Variants in ITGA8 observed in about 807,000 individuals in gnomAD.
ITGA8 encodes the protein integrin alpha-8.
Under a neutral mutation model 142.3 loss-of-function variants are expected in ITGA8, and 91 were observed. The observed-to-expected ratio is 0.64, with a 90% CI of 0.54 to 0.76. ITGA8 has a LOEUF of 0.76. ITGA8 is among the 30% of genes least tolerant of loss of function. ITGA8 has a pLI of 0.00. For missense variants in ITGA8, 1,406 were observed against 1,327.7 expected (o/e 1.06, Z -0.92); for synonymous variants, 505 against 485.2 (o/e 1.04, Z -0.54).
chr10:15,606,138 G>C (rs1396615249), intron 18 of ITGA8, 147 bp downstream of exon 18: 6 of 687,832 alleles, frequency 8.7e-6, no homozygotes, highest in African/African-American at 3.5e-5. Context: ...CAGTGTTTCA[G>C]GAAACATGGT....
rs750578314 is a variant in ITGA8, at chr10:15,597,359, G to C, written c.2119-60C>G. The C allele has an allele frequency of 8.6e-6, 12 of 1,390,390 alleles. No individual in the cohort carries two copies. The East Asian group carries it at 2.5e-4, about 29-fold the overall frequency. 86.1% of individuals were successfully genotyped at this position (1,390,390 alleles called of 1,614,324 possible). Reference sequence around the variant, plus strand: ...GGATAAATGACATCCTGACACAAAAGCCATGCTGGGGGCCTGGGAGCTCCC... The same window carrying C: ...GGATAAATGACATCCTGACACAAAACCCATGCTGGGGGCCTGGGAGCTCCC... On this transcript the variant is annotated intron_variant, in intron 20 of 29. Transcript: ENST00000378076.
chr10:15,603,249 C>A (rs1037284736), intron 20 of ITGA8, among the ~76,000 whole-genome samples: 6 of 152,166 alleles, frequency 3.9e-5, no homozygotes, highest in Non-Finnish European at 7.4e-5. Flanking sequence ...ACCAACATCA[C>A]AACAACAGTT....
intron 6 of ITGA8, among the ~76,000 whole-genome samples, chr10:15,673,397 A>T (rs746040901): frequency 3.4e-4 from 51 of 152,108 alleles, no homozygotes; most frequent in Non-Finnish European, 5.0e-4. Flanking sequence ...TGTAATTTTT[A>T]TTCTGGAATA....
intron 2 of ITGA8, among the ~76,000 whole-genome samples, chr10:15,691,218 G>A (rs1267425279): frequency 3.3e-5 from 5 of 152,118 alleles, no homozygotes; most frequent in African/African-American, 1.2e-4. Context: ...TATGAAGAAA[G>A]GGACCCCTAG....
chr10:15,698,117 T>C (rs1045795586), intron 2 of ITGA8, among the ~76,000 whole-genome samples: 3 of 152,166 alleles, frequency 2.0e-5, no homozygotes, highest in African/African-American at 7.2e-5. Flanking sequence ...TGCCTTTGCA[T>C]CCTCATAGCT....
At chr10:15,597,161 A>C (rs376247402) in intron 21 of ITGA8, 46 bp downstream of exon 21, 33 of 1,438,956 alleles carry the variant, frequency 2.3e-5, no homozygotes, top group Non-Finnish European at 2.9e-5. Flanking sequence ...TTCCCTGTGA[A>C]GTCCAGTTAG....
At chr10:15,635,924 C>G (rs567858041) in intron 13 of ITGA8, among the ~76,000 whole-genome samples, 1 of 150,690 alleles carries the variant, frequency 6.6e-6, no homozygotes, top group Admixed American at 6.6e-5. Context: ...ATACTACACA[C>G]ACACACACAC....
rs371931316 is a variant in ITGA8 at position 15,558,208 on chromosome 10, A to C, written c.2638-6T>G. The C allele has an allele frequency of 1.9e-6, 3 of 1,613,968 alleles. No homozygotes were observed. The highest frequency in any genetic ancestry group is 2.7e-5 in the African/African-American group (2 of 74,936). ...TCCTCTGGGGAGGCAGCAGGCTGCA[A>C]AAAGAAAGTGGGAGATACCACATTA... On this transcript the variant is annotated splice_polypyrimidine_tract_variant and splice_region_variant and intron_variant, in intron 25 of 29. Transcript: ENST00000378076.
chr10:15,661,431 A>C (rs11253598), intron 8 of ITGA8, among the ~76,000 whole-genome samples: 14,913 of 152,254 alleles, frequency 0.098, 932 homozygotes, highest in East Asian at 0.29. Context: ...TGGAAGTTTG[A>C]AGCCAGGGCT....
chr10:15,628,814 A>G (rs1197473187), intron 13 of ITGA8, among the ~76,000 whole-genome samples: 1 of 151,976 alleles, frequency 6.6e-6, no homozygotes, highest in Non-Finnish European at 1.5e-5. Flanking sequence ...TGTTGTGTGT[A>G]TCAAAATATC....
At chr10:15,622,312 A>G (rs1283879633) in intron 13 of ITGA8, among the ~76,000 whole-genome samples, 1 of 152,098 alleles carries the variant, frequency 6.6e-6, no homozygotes, top group East Asian at 1.9e-4. Flanking sequence ...TCCTTGACAG[A>G]TACACTGATG....
chr10:15,607,201 C>T (rs1015417413), intron 17 of ITGA8, among the ~76,000 whole-genome samples: 6 of 152,048 alleles, frequency 3.9e-5, no homozygotes, highest in Admixed American at 1.3e-4. Context: ...TTTAAAATTT[C>T]GGTAGGTTTT....
In ITGA8 at chr10:15,548,563, A is replaced by G. The variant is rs201080730; in HGVS notation, c.2772T>C (p.Cys924=). 6.2e-7 allele frequency: 1 copy of G among 1,608,138 alleles called. No homozygotes were observed. The highest frequency in any genetic ancestry group is 1.7e-5 in the Admixed American group (1 of 59,452). Residue 924 remains cysteine, a synonymous_variant, in exon 27 of 30, where the codon TGT becomes TGC. Coordinates refer to ENST00000378076, the MANE Select transcript of ITGA8 (RefSeq NM_003638.3). The stretch of plus-strand genomic sequence containing the variant: ...AGATTTGTAAACACTCGATATTTGT[A>G]CAATTCTGCAAACAGCAGTGGGAAC... ...HRQSPAKILN[C]TNIECLQISC...
intron 2 of ITGA8, among the ~76,000 whole-genome samples, chr10:15,699,054 G>C (rs1484210504): frequency 1.3e-5 from 2 of 152,158 alleles, no homozygotes; most frequent in East Asian, 3.9e-4. Context: ...GGGAGTCCAG[G>C]AGGCAGATCA....
Position 15,531,124 on chromosome 10 carries a change from A to G in ITGA8, c.2908T>C (p.Ser970Pro), listed in dbSNP as rs754117596. ...TTCTTAACTTCAAAGGACACCAGGG[A>G]TGCAAGAGCATAGGGATCATTTTTT... The part of the protein sequence containing the change: ...QRKNDPYALA[S>P]LVSFEVKKMP... Residue 970 changes from serine to proline, a missense_variant, in exon 28 of 30, where the codon TCC becomes CCC. Transcript: ENST00000378076. The G allele has an allele frequency of 6.4e-6, 10 of 1,559,700 alleles. No individual in the cohort carries two copies. In the East Asian group the frequency reaches 7.1e-5, roughly 11 times the overall value.
intron 3 of ITGA8, 81 bp from the exon 4 acceptor site, chr10:15,684,208 C>G: frequency 2.1e-6 from 3 of 1,427,636 alleles, no homozygotes; most frequent in Non-Finnish European, 2.9e-6. Context: ...ATTGGTATAA[C>G]AAACTGTTAA....
intron 13 of ITGA8, among the ~76,000 whole-genome samples, chr10:15,620,789 C>T (rs1166934722): frequency 6.6e-6 from 1 of 152,170 alleles, no homozygotes; most frequent in African/African-American, 2.4e-5. Context: ...TCTATACACA[C>T]ATAAGTATAG....
chr10:15,613,536 T>G, intron 15 of ITGA8, 124 bp downstream of exon 15: 1 of 738,886 alleles, frequency 1.4e-6, no homozygotes, highest in Non-Finnish European at 2.4e-6. Flanking sequence ...TCTTGAAGCT[T>G]TTTTCGAGAA....
chr10:15,538,234 C>T (rs1421129356), intron 27 of ITGA8, among the ~76,000 whole-genome samples: 1 of 152,040 alleles, frequency 6.6e-6, no homozygotes, highest in Non-Finnish European at 1.5e-5. Context: ...TATAGTTGGC[C>T]AGGTGCAGTG....
Sources: allele counts gnomAD v4.1 joint callset (sites outside exome capture counted in the v4.1 genomes callset), GRCh38; gene constraint gnomAD v4.1.1; transcripts MANE v1.5; gene names NCBI Gene and HGNC (gene_info 2026-07-23, HGNC 2026-07-21).